Variants in FBXW8 observed in about 807,000 individuals in gnomAD.
FBXW8 encodes F-box and WD repeat domain containing 8.
FBXW8 carries 57 observed loss-of-function variants against 65.3 expected under a neutral mutation model. The observed-to-expected ratio is 0.87, with a 90% CI of 0.71 to 1.09. FBXW8 has a LOEUF of 1.09. FBXW8 is among the 50% of genes least tolerant of loss of function. The pLI, the probability that FBXW8 is intolerant of heterozygous loss-of-function variation, is 0.00. For missense variants in FBXW8, 777 were observed against 814.8 expected (o/e 0.95, Z 0.57); for synonymous variants, 308 against 330.2 (o/e 0.93, Z 0.73).
At chr12:117,027,961 C>A in intron 10 of FBXW8, 67 bp from the exon 11 acceptor site, 1 of 1,601,356 alleles carries the variant, frequency 6.2e-7, no homozygotes, top group Non-Finnish European at 8.5e-7. Context: ...CCTGCACAGA[C>A]AGAAGCGGCT....
At chr12:116,989,386 G>T (rs1953181993) in intron 7 of FBXW8, among the ~76,000 whole-genome samples, 1 of 152,208 alleles carries the variant, frequency 6.6e-6, no homozygotes, top group Admixed American at 6.5e-5. Context: ...AATGCATATT[G>T]CAGCTTGCAG....
intron 1 of FBXW8, among the ~76,000 whole-genome samples, chr12:116,914,521 C>G (rs889837823): frequency 5.1e-5 from 7 of 136,684 alleles, no homozygotes; most frequent in African/African-American, 1.9e-4. Context: ...TGCAGTGAGC[C>G]GGGATCACAC....
chr12:117,022,374 G>T (rs1954119907), intron 8 of FBXW8, among the ~76,000 whole-genome samples: 1 of 151,028 alleles, frequency 6.6e-6, no homozygotes, highest in East Asian at 1.9e-4. Flanking sequence ...AAAAAAACAG[G>T]CTGGGTGCAA....
chr12:116,918,347 A>T (rs1011420207), intron 1 of FBXW8, among the ~76,000 whole-genome samples: 6 of 152,146 alleles, frequency 3.9e-5, no homozygotes, highest in African/African-American at 1.4e-4. Flanking sequence ...TAGGTGGTGT[A>T]TCAGGACTCT....
At chr12:117,003,785 A>G (rs1253060595) in intron 7 of FBXW8, among the ~76,000 whole-genome samples, 2 of 152,130 alleles carry the variant, frequency 1.3e-5, no homozygotes, top group East Asian at 1.9e-4. Flanking sequence ...CACTGACACT[A>G]CTGACGAGTT....
Position 117,027,907 on chromosome 12 carries a change from G to A in FBXW8, c.1653-121G>A, listed in dbSNP as rs150723671. ...ATCTGACGCTGTGTGCCCAGAGAAC[G>A]CGTTTGTGAAGCTGAACCTCTATCT... On this transcript the variant is annotated intron_variant, in intron 10 of 10. Coordinates refer to ENST00000652555, the MANE Select transcript of FBXW8 (RefSeq NM_153348.3). 11,580 of 1,325,016 alleles carry A rather than the reference G, an allele frequency of 8.7e-3. 125 individuals carry two copies. The highest frequency in any genetic ancestry group is 0.034 in the South Asian group (2,481 of 72,736). 82.1% of individuals were successfully genotyped at this position (1,325,016 alleles called of 1,614,324 possible).
In FBXW8 at chr12:117,014,339, T is replaced by C. The variant is rs73399497; in HGVS notation, c.1367+3889T>C. On this transcript the variant is annotated intron_variant, in intron 8 of 10. Coordinates refer to ENST00000652555, the MANE Select transcript of FBXW8 (RefSeq NM_153348.3). ...GAGGTTGTCACTGTCAGTATTCCCA[T>C]GCATTTTACCTTTACCTCGTGGAAT... Among the ~76,000 whole-genome samples the C allele has an allele frequency of 1.9e-3, 290 of 152,370 alleles. 2 individuals are homozygous for C. Among genetic ancestry groups the C allele is most frequent in the African/African-American group, 6.8e-3 (283 of 41,584 alleles).
chr12:116,937,110 AAG>A (rs768794629), intron 2 of FBXW8, among the ~76,000 whole-genome samples: 9 of 152,124 alleles, frequency 5.9e-5, no homozygotes, highest in Non-Finnish European at 1.3e-4. Flanking sequence ...GGACAGAAGG[AAG>A]AGAGTCAACA....
intron 1 of FBXW8, among the ~76,000 whole-genome samples, chr12:116,917,313 G>A (rs955236098): frequency 2.6e-5 from 4 of 152,170 alleles, no homozygotes; most frequent in African/African-American, 9.7e-5. Context: ...TCTTTGCCTT[G>A]TGCCTTCCCA....
At chr12:116,968,508 G>A (rs1029057921) in intron 5 of FBXW8, among the ~76,000 whole-genome samples, 7 of 152,188 alleles carry the variant, frequency 4.6e-5, no homozygotes, top group African/African-American at 1.7e-4. Flanking sequence ...TAATTCCATT[G>A]TGTATAAGCA....
intron 1 of FBXW8, 61 bp downstream of exon 1, chr12:116,911,416 C>A (rs1879932688): frequency 9.1e-7 from 1 of 1,098,268 alleles, no homozygotes; most frequent in Non-Finnish European, 1.1e-6. Flanking sequence ...CCAGGACAAA[C>A]CCCTGCAGTG....
rs1176353922 is a variant in FBXW8, at chr12:116,917,455, A to C, written c.318+6100A>C. Among the ~76,000 whole-genome samples, 4 of 152,142 alleles carry C rather than the reference A, an allele frequency of 2.6e-5. No individual in the cohort carries two copies. In the South Asian group the frequency reaches 8.3e-4, roughly 32 times the overall value. ...ATAAAATCTGGTACTACCTTCTTAC[A>C]CTTCCTCCCTGCCCCCGTTTCTTCT... On this transcript the variant is annotated intron_variant, in intron 1 of 10. Transcript: ENST00000652555.
chr12:116,914,959 T>C (rs891886660), intron 1 of FBXW8, among the ~76,000 whole-genome samples: 4 of 152,268 alleles, frequency 2.6e-5, no homozygotes, highest in Non-Finnish European at 5.9e-5. Context: ...GTGCGTAAAC[T>C]GTCTCCTTGG....
chr12:116,972,427 C>G (rs1032191276), intron 5 of FBXW8, among the ~76,000 whole-genome samples: 2 of 152,164 alleles, frequency 1.3e-5, no homozygotes, highest in African/African-American at 4.8e-5. Flanking sequence ...AGGGCTTGAT[C>G]AAACTAGAAG....
At chr12:116,947,848 T>G (rs1592873605) in intron 3 of FBXW8, among the ~76,000 whole-genome samples, 1 of 151,550 alleles carries the variant, frequency 6.6e-6, no homozygotes, top group Admixed American at 6.6e-5. Context: ...GGGCTAGGAG[T>G]GGCACTGCTC....
At chr12:116,947,736 CAA>C (rs60233448) in intron 3 of FBXW8, among the ~76,000 whole-genome samples, 1 of 74,478 alleles carries the variant, frequency 1.3e-5, no homozygotes, top group African/African-American at 4.5e-5. Flanking sequence ...GAGACTGTCT[CAA>C]AAAAAAAAAA....
At chr12:116,974,118 TGAG>T (rs1469019044) in intron 5 of FBXW8, among the ~76,000 whole-genome samples, 1 of 152,090 alleles carries the variant, frequency 6.6e-6, no homozygotes, top group East Asian at 1.9e-4. Flanking sequence ...CTCCCTGACT[TGAG>T]GAGGCCCCAG....
At chr12:116,980,672 G>T (rs1885245075) in intron 5 of FBXW8, among the ~76,000 whole-genome samples, 2 of 152,080 alleles carry the variant, frequency 1.3e-5, no homozygotes. Flanking sequence ...ACCCTGACAG[G>T]CATTAACTAC....
At chr12:117,019,723 AAG>A (rs1448747844) in intron 8 of FBXW8, among the ~76,000 whole-genome samples, 4 of 152,148 alleles carry the variant, frequency 2.6e-5, no homozygotes, top group African/African-American at 9.7e-5. Flanking sequence ...CAGCTCAAGA[AAG>A]AGAGTGTGAC....
Sources: allele counts gnomAD v4.1 joint callset (sites outside exome capture counted in the v4.1 genomes callset), GRCh38; gene constraint gnomAD v4.1.1; transcripts MANE v1.5; gene names NCBI Gene and HGNC (gene_info 2026-07-23, HGNC 2026-07-21).